Variants in ABRACL observed in about 807,000 individuals in gnomAD.
The protein encoded by ABRACL is costars family protein ABRACL.
ABRACL carries 4 observed loss-of-function variants against 7.0 expected under a neutral mutation model. That is an observed-to-expected ratio of 0.57 (90% CI 0.28 to 1.30). ABRACL has a LOEUF of 1.30. Among genes scored for constraint, ABRACL ranks in the 50% most tolerant of loss-of-function variants. The probability of loss-of-function intolerance (pLI) is 0.10; values close to 1 mark genes in which losing one functional copy is unlikely to be tolerated. For missense variants in ABRACL, 104 were observed against 97.3 expected (o/e 1.07, Z -0.29); for synonymous variants, 30 against 36.0 (o/e 0.83, Z 0.60).
chr6:139,039,088 G>C (rs1015099795), intron 2 of ABRACL, among the ~76,000 whole-genome samples: 4 of 152,040 alleles, frequency 2.6e-5, no homozygotes, highest in Admixed American at 6.5e-5. Context: ...GCTGGGCCTC[G>C]TGGCGGGTGC....
chr6:139,031,418 T>C (rs1239184256), intron 1 of ABRACL, among the ~76,000 whole-genome samples: 1 of 152,220 alleles, frequency 6.6e-6, no homozygotes, highest in Non-Finnish European at 1.5e-5. Context: ...TTTTTTTGTT[T>C]TGTTTTTAAA....
chr6:139,037,013 A>G (rs376234486), intron 2 of ABRACL, among the ~76,000 whole-genome samples: 4 of 127,948 alleles, frequency 3.1e-5, no homozygotes. Context: ...TAAAAAACTC[A>G]TGAGGCAATT....
At chr6:139,031,512 C>G (rs1465880930) in intron 1 of ABRACL, among the ~76,000 whole-genome samples, 1 of 151,982 alleles carries the variant, frequency 6.6e-6, no homozygotes, top group East Asian at 1.9e-4. Context: ...CCAACACAAG[C>G]AAAAAGGAAA....
chr6:139,034,509 G>A, intron 2 of ABRACL: 1 of 1,217,328 alleles, frequency 8.2e-7, no homozygotes, highest in Non-Finnish European at 1.1e-6. Flanking sequence ...ATTGAAATTT[G>A]GTAATTGAAT....
chr6:139,029,415 T>C (rs1786044451), intron 1 of ABRACL, among the ~76,000 whole-genome samples: 1 of 151,562 alleles, frequency 6.6e-6, no homozygotes, highest in African/African-American at 2.4e-5. Flanking sequence ...TCGCCCGGGT[T>C]GGGTGCTCGC....
intron 2 of ABRACL, among the ~76,000 whole-genome samples, chr6:139,039,573 G>T (rs1027520980): frequency 6.6e-6 from 1 of 152,200 alleles, no homozygotes; most frequent in African/African-American, 2.4e-5. Context: ...TGAAGAAAAA[G>T]AATTTAGCTA....
At chr6:139,042,346 C>G (rs1264657135) in intron 2 of ABRACL, among the ~76,000 whole-genome samples, 1 of 152,186 alleles carries the variant, frequency 6.6e-6, no homozygotes, top group Non-Finnish European at 1.5e-5. Flanking sequence ...TAGAGAAACA[C>G]TGCTCTTGAT....
At chr6:139,036,493 T>C (rs371789669) in intron 2 of ABRACL, among the ~76,000 whole-genome samples, 25 of 152,318 alleles carry the variant, frequency 1.6e-4, no homozygotes, top group Non-Finnish European at 7.4e-5. Context: ...TACTGAAATG[T>C]ACCAAGAAAT....
intron 1 of ABRACL, among the ~76,000 whole-genome samples, chr6:139,029,304 G>A (rs897082431): frequency 6.6e-6 from 1 of 152,138 alleles, no homozygotes; most frequent in African/African-American, 2.4e-5. Context: ...GGACTCTGCA[G>A]CGCCGGAGGT....
At position 139,034,150 on chromosome 6, in the gene ABRACL, C is replaced by G. The variant is rs1786121073; in HGVS notation, c.-6-5C>G. On this transcript the variant is annotated splice_region_variant and splice_polypyrimidine_tract_variant and intron_variant, in intron 1 of 2. Transcript: ENST00000367660. ...TAATTTAGACTTCCTTTTTTTCTCTCCCAGGCAGCAATGAATGTGGATCAC... is the reference window on the plus strand; with the variant it reads ...TAATTTAGACTTCCTTTTTTTCTCTGCCAGGCAGCAATGAATGTGGATCAC... 5.6e-6 allele frequency: 9 copies of G among 1,613,542 alleles called. No individual in the cohort carries two copies. Among genetic ancestry groups the G allele is most frequent in the Non-Finnish European group, 6.8e-6 (8 of 1,179,860 alleles).
chr6:139,033,311 ACTC>A (rs1786108315), intron 1 of ABRACL, among the ~76,000 whole-genome samples: 1 of 151,960 alleles, frequency 6.6e-6, no homozygotes, highest in East Asian at 1.9e-4. Context: ...TTTATTCTGA[ACTC>A]CTCCTTATCT....
intron 2 of ABRACL, 105 bp downstream of exon 2, chr6:139,034,326 C>A: frequency 6.2e-7 from 1 of 1,602,432 alleles, no homozygotes; most frequent in African/African-American, 1.3e-5. Flanking sequence ...GGCTTCAGGA[C>A]ACAGGTCTGG....
chr6:139,039,959 C>T lies in ABRACL; in HGVS notation c.62-2760C>T, dbSNP rs568841874. Among the ~76,000 whole-genome samples, 10 of 152,006 alleles carry T rather than the reference C, an allele frequency of 6.6e-5. No homozygotes were observed. In the South Asian group the frequency reaches 1.7e-3, roughly 25 times the overall value. On this transcript the variant is annotated intron_variant, in intron 2 of 2. Transcript: ENST00000367660. Reference sequence around the variant, plus strand: ...AAGATAAATTAAGTTTGGTGGTGCACGCCTGTAGTCCCAGCTACGTGGGAG... The same window carrying T: ...AAGATAAATTAAGTTTGGTGGTGCATGCCTGTAGTCCCAGCTACGTGGGAG...
At chr6:139,039,014 A>G (rs952189715) in intron 2 of ABRACL, among the ~76,000 whole-genome samples, 3 of 152,246 alleles carry the variant, frequency 2.0e-5, no homozygotes, top group African/African-American at 7.2e-5. Flanking sequence ...GCCTGAGGTC[A>G]GGAGTTCGAG....
chr6:139,036,994 C>T (rs1786167910), intron 2 of ABRACL, among the ~76,000 whole-genome samples: 1 of 147,986 alleles, frequency 6.8e-6, no homozygotes, highest in Non-Finnish European at 1.5e-5. Context: ...AAAACAAAAA[C>T]AAAAACAATA....
In ABRACL at chr6:139,030,867, A is replaced by G. The variant is rs9495315; in HGVS notation, c.-7+1992A>G. ...AATAAATGCCTTGCAAGGTTCTTAG[A>G]ACTACATGAATTAACGTAGATAAGG... On this transcript the variant is annotated intron_variant, in intron 1 of 2. Transcript: ENST00000367660. Among the ~76,000 whole-genome samples, 848 of 152,312 alleles carry G rather than the reference A, an allele frequency of 5.6e-3. 6 individuals are homozygous for G. Among genetic ancestry groups the G allele is most frequent in the African/African-American group, 0.018 (746 of 41,562 alleles).
rs575601437 is a variant in ABRACL, at chr6:139,031,808, A to C, written c.-6-2347A>C. On this transcript the variant is annotated intron_variant, in intron 1 of 2. Coordinates refer to ENST00000367660, the MANE Select transcript of ABRACL (RefSeq NM_021243.3). Reference sequence around the variant, plus strand: ...CTGGCCCTGAACTGCTTCTGGGCCCAGGGTAAGACTCTACCCAGGATACAT... The same window carrying C: ...CTGGCCCTGAACTGCTTCTGGGCCCCGGGTAAGACTCTACCCAGGATACAT... Among the ~76,000 whole-genome samples, 11 of 152,300 alleles carry C rather than the reference A, an allele frequency of 7.2e-5. 1 individual carries two copies. The South Asian group carries it at 2.3e-3, about 32-fold the overall frequency.
intron 1 of ABRACL, among the ~76,000 whole-genome samples, chr6:139,032,121 C>T (rs974793819): frequency 1.4e-4 from 21 of 152,208 alleles, no homozygotes; most frequent in Non-Finnish European, 1.9e-4. Context: ...CCACCACGCC[C>T]GGCTAATTTT....
chr6:139,031,134 G>A (rs1786076615), intron 1 of ABRACL, among the ~76,000 whole-genome samples: 1 of 152,194 alleles, frequency 6.6e-6, no homozygotes. Flanking sequence ...CAGAGAATCA[G>A]AGAATTGGAA....
Sources: gnomAD v4.1 joint callset for allele counts (sites outside exome capture counted in the v4.1 genomes callset) on GRCh38, gnomAD v4.1.1 for gene constraint, MANE v1.5 for transcripts, NCBI Gene and HGNC (gene_info 2026-07-23, HGNC 2026-07-21) for gene names.